CDK2AP1: variants seen among roughly 807,000 people sequenced by gnomAD.
CDK2AP1 encodes the protein cyclin dependent kinase 2 associated protein 1.
CDK2AP1 carries 10 observed loss-of-function variants against 14.1 expected under a neutral mutation model. That is an observed-to-expected ratio of 0.71 (90% CI 0.44 to 1.20). The LOEUF is 1.20. CDK2AP1 is among the 50% of genes most tolerant of loss of function. The pLI, the probability that CDK2AP1 is intolerant of heterozygous loss-of-function variation, is 0.00. For missense variants in CDK2AP1, 102 were observed against 149.9 expected (o/e 0.68, Z 1.67); for synonymous variants, 59 against 59.8 (o/e 0.99, Z 0.06).
At chr12:123,270,165 T>C in intron 1 of CDK2AP1, 1 of 970,742 alleles carries the variant, frequency 1.0e-6, no homozygotes, top group Non-Finnish European at 1.2e-6. Context: ...AGAAGGCTGC[T>C]GGCAGTCCTA....
rs2048284825 is a variant in CDK2AP1 at position 123,265,831 on chromosome 12, G to A, written c.154-509C>T. Reference sequence around the variant, plus strand: ...AGCATTTCCCAGGATGCAGATGGATGGGAGGGCACATCCCAGGTGCCAAGC... The same window carrying A: ...AGCATTTCCCAGGATGCAGATGGATAGGAGGGCACATCCCAGGTGCCAAGC... On this transcript the variant is annotated intron_variant, in intron 2 of 3. Transcript: ENST00000261692. This position sits in a 1 kb window ranked among gnomAD's most constrained non-coding sequence, Gnocchi z 5.3. Among the ~76,000 whole-genome samples the A allele has an allele frequency of 6.6e-6, 1 of 152,194 alleles. No individual in the cohort carries two copies. Among genetic ancestry groups the A allele is most frequent in the Non-Finnish European group, 1.5e-5 (1 of 68,038 alleles).
chr12:123,271,487 G>T, intron 1 of CDK2AP1, 77 bp downstream of exon 1: 1 of 822,016 alleles, frequency 1.2e-6, no homozygotes, highest in Non-Finnish European at 1.5e-6. Flanking sequence ...GGCGCCCCGG[G>T]CATCCCCGGG....
At chr12:123,268,715 G>A (rs1054428007) in intron 1 of CDK2AP1, among the ~76,000 whole-genome samples, 35 of 152,202 alleles carry the variant, frequency 2.3e-4, no homozygotes, top group African/African-American at 8.2e-4. Context: ...AGACACGTGC[G>A]CTATAGGGGC....
At chr12:123,264,291 T>C (rs975369364) in intron 3 of CDK2AP1, among the ~76,000 whole-genome samples, 2 of 151,550 alleles carry the variant, frequency 1.3e-5, no homozygotes, top group African/African-American at 2.4e-5. Flanking sequence ...AAACCCTGTC[T>C]CTACTAAAAA....
chr12:123,270,208 C>A (rs1335639145), intron 1 of CDK2AP1: 3 of 983,960 alleles, frequency 3.0e-6, no homozygotes, highest in Non-Finnish European at 1.2e-6. Flanking sequence ...GTAAGGTCTG[C>A]GGACCCCAGA....
intron 1 of CDK2AP1, chr12:123,270,843 C>A (rs1036370231): frequency 1.0e-6 from 1 of 984,988 alleles, no homozygotes; most frequent in African/African-American, 1.8e-5. Context: ...GCGCGGGCCC[C>A]AGCAGCCCCA....
At position 123,271,589 on chromosome 12, in the gene CDK2AP1, G is replaced by A. The variant is rs1262514783; in HGVS notation, c.30C>T (p.His10=). 8 of 1,010,232 alleles carry A rather than the reference G, an allele frequency of 7.9e-6. No individual in the cohort carries two copies. Among genetic ancestry groups the A allele is most frequent in the Non-Finnish European group, 9.4e-6 (8 of 846,628 alleles). 62.6% of individuals were successfully genotyped at this position (1,010,232 alleles called of 1,614,324 possible). The change falls in exon 1 of 4, where the codon CAC becomes CAT. Residue 10 remains histidine (H), a synonymous_variant. Transcript: ENST00000261692. MSYKPNLAA[H]MPAAALNAAG... ...CGGCGTTGAGGGCGGCGGCGGGCAT[G>A]TGCGCGGCCAAGTTCGGTTTGTAAG...
intron 1 of CDK2AP1, chr12:123,270,295 C>T (rs1318429934): frequency 2.2e-6 from 1 of 463,222 alleles, no homozygotes; most frequent in East Asian, 1.5e-4. Context: ...AGCAATTCAA[C>T]TCTCCCTCCG....
At chr12:123,262,197 G>C (rs1223492082) in intron 3 of CDK2AP1, 6 of 173,834 alleles carry the variant, frequency 3.5e-5, no homozygotes, top group Non-Finnish European at 7.4e-5. Flanking sequence ...GTAAGCAAGA[G>C]AATGGCTTCA....
intron 2 of CDK2AP1, among the ~76,000 whole-genome samples, chr12:123,266,795 C>T (rs772315341): frequency 2.0e-5 from 3 of 152,362 alleles, no homozygotes; most frequent in South Asian, 2.1e-4. Context: ...CTGCTGGGCC[C>T]GCGCCCGTGG....
rs527273268 is a variant in CDK2AP1, at chr12:123,268,192, G to T, written c.56-910C>A. On this transcript the variant is annotated intron_variant, in intron 1 of 3. Transcript: ENST00000261692. The stretch of plus-strand genomic sequence containing the variant: ...ACCTAGTCCTCCTCGGCAGCTGCCC[G>T]CCTGCCGCCCCCAGAGCCACACGGT... 7 of 985,494 alleles carry T rather than the reference G, an allele frequency of 7.1e-6. No individual in the cohort carries two copies. The African/African-American group carries it at 1.2e-4, about 17-fold the overall frequency. 61.0% of individuals were successfully genotyped at this position (985,494 alleles called of 1,614,324 possible). A position where few individuals can be genotyped will look rare whatever the true frequency, so the allele number is the denominator to read the frequency against.
chr12:123,261,865 C>A, intron 3 of CDK2AP1, 62 bp from the exon 4 acceptor site: 2 of 1,117,066 alleles, frequency 1.8e-6, no homozygotes, highest in East Asian at 2.4e-5. Flanking sequence ...AAAGCCCATT[C>A]TGAAACAGCA....
intron 1 of CDK2AP1, chr12:123,271,164 G>A: frequency 6.4e-6 from 2 of 311,530 alleles, no homozygotes; most frequent in Non-Finnish European, 9.2e-6. Context: ...GCGGGGCCCC[G>A]CGCCCCGCTC....
At chr12:123,266,663 C>T (rs1029350024) in intron 2 of CDK2AP1, among the ~76,000 whole-genome samples, 1 of 152,186 alleles carries the variant, frequency 6.6e-6, no homozygotes, top group African/African-American at 2.4e-5. Context: ...GGGCAGTTAC[C>T]AAGTGGGGGG....
rs1469963691 is a variant in CDK2AP1 at position 123,271,734 on chromosome 12, G to A, written c.-116C>T. 3 of 224,734 alleles carry A rather than the reference G, an allele frequency of 1.3e-5. No individual in the cohort carries two copies. The Admixed American group carries it at 2.0e-4, about 15-fold the overall frequency. The allele number at this position is 224,734 out of a possible 1,614,324, so 13.9% of individuals were successfully genotyped here. A position where few individuals can be genotyped will look rare whatever the true frequency, so the allele number is the denominator to read the frequency against. On this transcript the variant is annotated 5_prime_UTR_variant, in exon 1 of 4. Transcript: ENST00000261692. ...CCGCGCCCGTCCGAGCGCCCGCCGA[G>A]CGCCCGCGCACTTTTTGTTGTCGGC... is the stretch of plus-strand genomic sequence containing the variant.
rs2048354632 is a variant in CDK2AP1, at chr12:123,271,636, G to C, written c.-18C>G. ...TAAGACATCCCCCCGGGCGGCGGGC[G>C]CGCCGGGCGCGGCGGGGCCAGGCCG... is the stretch of plus-strand genomic sequence containing the variant. On this transcript the variant is annotated 5_prime_UTR_variant, in exon 1 of 4. Transcript: ENST00000261692. 7 of 976,904 alleles carry C rather than the reference G, an allele frequency of 7.2e-6. No individual in the cohort carries two copies. Among genetic ancestry groups the C allele is most frequent in the Non-Finnish European group, 8.5e-6 (7 of 824,136 alleles). 60.5% of individuals were successfully genotyped at this position (976,904 alleles called of 1,614,324 possible). A position where few individuals can be genotyped will look rare whatever the true frequency, so the allele number is the denominator to read the frequency against.
chr12:123,271,622 C>CCCGGGCGGCGGGCGCG lies in CDK2AP1; in HGVS notation c.-20_-5dup. 1 of 992,344 alleles carries CCCGGGCGGCGGGCGCG rather than the reference C, an allele frequency of 1.0e-6. No homozygotes were observed. Among genetic ancestry groups the CCCGGGCGGCGGGCGCG allele is most frequent in the Non-Finnish European group, 1.2e-6 (1 of 835,404 alleles). The allele number at this position is 992,344 out of a possible 1,614,324, so 61.5% of individuals were successfully genotyped here. ...CCAAGTTCGGTTTGTAAGACATCCC[C>CCCGGGCGGCGGGCGCG]CCGGGCGGCGGGCGCGCCGGGCGCG... On this transcript the variant is annotated 5_prime_UTR_variant, in exon 1 of 4. Coordinates refer to ENST00000261692, the MANE Select transcript of CDK2AP1 (RefSeq NM_004642.4).
chr12:123,261,938 CCTA>C, intron 3 of CDK2AP1, 135 bp from the exon 4 acceptor site: 2 of 681,062 alleles, frequency 2.9e-6, no homozygotes, highest in South Asian at 3.4e-5. Context: ...ACCAGGGAAA[CCTA>C]TAACCAAGCA....
Position 123,267,243 on chromosome 12 carries a change from G to A in CDK2AP1, c.95C>T (p.Ser32Phe). Residue 32 changes from serine (S) to phenylalanine (F), a missense_variant, in exon 2 of 4, where the codon TCT becomes TTT. Coordinates refer to ENST00000261692, the MANE Select transcript of CDK2AP1 (RefSeq NM_004642.4). Reference protein sequence around the residue: ...VHSPSTSMATSSQYRQLLSDY... With the variant: ...VHSPSTSMATFSQYRQLLSDY... Reference sequence around the variant, plus strand: ...ACTGAGCAGCTGGCGGTACTGTGAAGACGTTGCCATGCTGGTGGAAGGCGA... The same window carrying A: ...ACTGAGCAGCTGGCGGTACTGTGAAAACGTTGCCATGCTGGTGGAAGGCGA... The A allele has an allele frequency of 1.9e-6, 3 of 1,613,584 alleles. No individual in the cohort carries two copies. The highest frequency in any genetic ancestry group is 2.5e-6 in the Non-Finnish European group (3 of 1,179,652).
Sources: allele counts gnomAD v4.1 joint callset (sites outside exome capture counted in the v4.1 genomes callset), GRCh38; gene constraint gnomAD v4.1.1; non-coding constraint Gnocchi (gnomAD v3.1); transcripts MANE v1.5; gene names NCBI Gene and HGNC (gene_info 2026-07-23, HGNC 2026-07-21).